Variants in CAD observed in about 807,000 individuals in gnomAD.
CAD encodes multifunctional protein CAD.
CAD carries 81 observed loss-of-function variants against 237.2 expected under a neutral mutation model. The observed-to-expected ratio is 0.34, with a 90% CI of 0.29 to 0.41. The LOEUF is 0.41. Among genes scored for constraint, CAD ranks in the 10% least tolerant of loss-of-function variants. The probability of loss-of-function intolerance (pLI) is 1.00; values close to 1 mark genes in which losing one functional copy is unlikely to be tolerated. For synonymous variants in CAD, 1,196 were observed against 1,162.8 expected (o/e 1.03, Z -0.58); for missense variants, 2,181 against 2,951.7 (o/e 0.74, Z 6.05).
chr2:27,224,847 C>T lies in CAD; in HGVS notation c.1357C>T (p.Leu453Phe). Residue 453 changes from leucine to phenylalanine, a missense_variant, in exon 10 of 44, where the codon CTT becomes TTT. By Grantham distance (22) the Leu-to-Phe change is conservative (BLOSUM62 0). Transcript: ENST00000264705. ...SQGLADKVYF[L>F]PITPHYVTQV... ...GGGGCTGGCCGACAAGGTCTATTTT[C>T]TTCCCATAACACCTCATTATGTAAC... is the stretch of plus-strand genomic sequence containing the variant. The T allele has an allele frequency of 6.2e-7, 1 of 1,614,232 alleles. No homozygotes were observed. Among genetic ancestry groups the T allele is most frequent in the Non-Finnish European group, 8.5e-7 (1 of 1,180,044 alleles).
At chr2:27,231,911 CAGCTACTT>C in intron 16 of CAD, 61 bp from the exon 17 acceptor site, 2 of 1,581,318 alleles carry the variant, frequency 1.3e-6, no homozygotes, top group Non-Finnish European at 1.7e-6. Flanking sequence ...GAGACAAGAG[CAGCTACTT>C]ACGCTCAGGC....
In CAD at chr2:27,225,742, T is replaced by A; in HGVS notation, c.1658T>A (p.Leu553Gln). 1.9e-6 allele frequency: 3 copies of A among 1,614,206 alleles called. No individual in the cohort carries two copies. Among genetic ancestry groups the A allele is most frequent in the Non-Finnish European group, 2.5e-6 (3 of 1,180,020 alleles). The change falls in exon 12 of 44, where the codon CTA (leucine) becomes CAA (glutamine). Residue 553 changes from leucine to glutamine, a missense_variant. Around this residue, in one of 12 missense-constraint regions of CAD, gnomAD observed 174 missense variants for 215.8 expected, o/e 0.81. Coordinates refer to ENST00000264705, the MANE Select transcript of CAD (RefSeq NM_004341.5). ...AAAERLGYPVLVRAAFALGGL... is the reference protein window; with the variant it reads ...AAAERLGYPVQVRAAFALGGL... ...GCTGAACGGCTGGGGTACCCTGTGC[T>A]AGTGCGTGCAGCCTTTGCCCTGGGT...
Position 27,236,391 on chromosome 2 carries a change from C to T in CAD, c.4182C>T (p.Asn1394=). 1 of 1,614,216 alleles carries T rather than the reference C, an allele frequency of 6.2e-7. No individual in the cohort carries two copies. The highest frequency in any genetic ancestry group is 8.5e-7 in the Non-Finnish European group (1 of 1,180,040). ...LAEKNFELVI[N]LSMRGAGGRR... is the part of the protein sequence containing the mutation. ...AGAAAAACTTTGAGCTGGTGATTAACCTGTCAATGCGTGGAGCTGGGGGCC... is the reference window on the plus strand; with the variant it reads ...AGAAAAACTTTGAGCTGGTGATTAATCTGTCAATGCGTGGAGCTGGGGGCC... The change falls in exon 26 of 44, where the codon AAC becomes AAT. Residue 1394 remains asparagine, a synonymous_variant. Transcript: ENST00000264705. This position sits in a 1 kb window ranked among gnomAD's most constrained non-coding sequence, Gnocchi z 4.1.
chr2:27,218,620 G>A (rs1453604703), intron 2 of CAD, among the ~76,000 whole-genome samples: 1 of 152,100 alleles, frequency 6.6e-6, no homozygotes, highest in African/African-American at 2.4e-5. Flanking sequence ...TACTGACATG[G>A]CCTCGTCTGA....
In CAD at chr2:27,239,631, A is replaced by C; in HGVS notation, c.5395-66A>C. The C allele has an allele frequency of 6.7e-7, 1 of 1,490,416 alleles. No individual in the cohort carries two copies. 92.3% of individuals were successfully genotyped at this position (1,490,416 alleles called of 1,614,324 possible). A position where few individuals can be genotyped will look rare whatever the true frequency, so the allele number is the denominator to read the frequency against. On this transcript the variant is annotated intron_variant, in intron 33 of 43. Coordinates refer to ENST00000264705, the MANE Select transcript of CAD (RefSeq NM_004341.5). The surrounding 1 kb of genome is among the most constrained non-coding windows in gnomAD (Gnocchi z 4.0). ...CCCAAGGTGCTTTTTGTCCTTGCTG[A>C]CATCTACCCCTTTAGGACCTGAGTT...
intron 15 of CAD, among the ~76,000 whole-genome samples, chr2:27,230,126 T>C (rs1043786934): frequency 1.3e-5 from 2 of 151,866 alleles, no homozygotes; most frequent in African/African-American, 4.8e-5. Flanking sequence ...TAATCCCAGC[T>C]ACTTGGGAGG....
At chr2:27,227,747 C>T (rs550754960) in intron 15 of CAD, among the ~76,000 whole-genome samples, 2 of 152,258 alleles carry the variant, frequency 1.3e-5, no homozygotes, top group South Asian at 2.1e-4. Flanking sequence ...TACATCTGTT[C>T]AAGTATTCTT....
chr2:27,218,949 G>T (rs544794786), intron 2 of CAD, among the ~76,000 whole-genome samples: 2 of 152,186 alleles, frequency 1.3e-5, no homozygotes, highest in African/African-American at 4.8e-5. Context: ...TCCTGGAAAA[G>T]AATTTCTAGG....
At chr2:27,223,146 G>T (rs940457762) in intron 6 of CAD, 109 bp downstream of exon 6, 45 of 1,208,338 alleles carry the variant, frequency 3.7e-5, no homozygotes, top group Middle Eastern at 5.5e-4. Flanking sequence ...AGGAGCGGGG[G>T]GGTTGCAGGT....
chr2:27,242,582 AGTCTGGGATCCCTGTGGT>A lies in CAD; in HGVS notation c.6223-36_6223-19del. The A allele has an allele frequency of 6.4e-7, 1 of 1,566,316 alleles. No homozygotes were observed. Among genetic ancestry groups the A allele is most frequent in the South Asian group, 1.2e-5 (1 of 83,580 alleles). Reference sequence around the variant, plus strand: ...TTGGAAATGATGTCGGGGGGCACTCAGTCTGGGATCCCTGTGGTGACTGGATTCCTCTCCTAGATCACG... The same window carrying A: ...TTGGAAATGATGTCGGGGGGCACTCAGACTGGATTCCTCTCCTAGATCACG... On this transcript the variant is annotated intron_variant, in intron 40 of 43. Coordinates refer to ENST00000264705, the MANE Select transcript of CAD (RefSeq NM_004341.5). The surrounding 1 kb of genome is among the most constrained non-coding windows in gnomAD (Gnocchi z 6.4).
rs540376846 is a variant in CAD, at chr2:27,238,925, A to G, written c.5063-117A>G. The G allele has an allele frequency of 4.0e-6, 4 of 994,008 alleles. No individual in the cohort carries two copies. In the African/African-American group the frequency reaches 4.9e-5, roughly 12 times the overall value. The allele number at this position is 994,008 out of a possible 1,614,324, so 61.6% of individuals were successfully genotyped here. A position where few individuals can be genotyped will look rare whatever the true frequency, so the allele number is the denominator to read the frequency against. ...TTGTTTCTAGTTCCCAGAAAAAATG[A>G]GCATTGGGAGTGGTAGTGAGCATAA... On this transcript the variant is annotated intron_variant, in intron 31 of 43. Coordinates refer to ENST00000264705, the MANE Select transcript of CAD (RefSeq NM_004341.5).
chr2:27,240,730 A>T lies in CAD; in HGVS notation c.5594-181A>T, dbSNP rs1676276924. 1 of 1,252,520 alleles carries T rather than the reference A, an allele frequency of 8.0e-7. No homozygotes were observed. The highest frequency in any genetic ancestry group is 1.1e-6 in the Non-Finnish European group (1 of 889,208). The allele number at this position is 1,252,520 out of a possible 1,614,324, so 77.6% of individuals were successfully genotyped here. A position where few individuals can be genotyped will look rare whatever the true frequency, so the allele number is the denominator to read the frequency against. ...CACTGCTCCCATACAACACAGCCCC[A>T]TGGGAAGCCACCTGTCTGTCCCCAG... On this transcript the variant is annotated intron_variant, in intron 35 of 43. Coordinates refer to ENST00000264705, the MANE Select transcript of CAD (RefSeq NM_004341.5). The surrounding 1 kb of genome is among the most constrained non-coding windows in gnomAD (Gnocchi z 4.6).
rs369743743 is a variant in CAD at position 27,239,479 on chromosome 2, A to G, written c.5394+8A>G. 27 of 1,612,790 alleles carry G rather than the reference A, an allele frequency of 1.7e-5. No individual in the cohort carries two copies. The African/African-American group carries it at 3.2e-4, about 19-fold the overall frequency. ...GCCTATATCGATGGGCAGGTACGCA[A>G]GTAGCCCCTGCCTGATCTCAGTAGT... On this transcript the variant is annotated splice_region_variant and intron_variant, in intron 33 of 43. Coordinates refer to ENST00000264705, the MANE Select transcript of CAD (RefSeq NM_004341.5). This position sits in a 1 kb window ranked among gnomAD's most constrained non-coding sequence, Gnocchi z 4.0.
chr2:27,236,690 C>T lies in CAD; in HGVS notation c.4315-59C>T, dbSNP rs1424067661. 1.3e-6 allele frequency: 2 copies of T among 1,574,214 alleles called. No individual in the cohort carries two copies. Among genetic ancestry groups the T allele is most frequent in the South Asian group, 2.2e-5 (2 of 90,246 alleles). Reference sequence around the variant, plus strand: ...AGCCTGGTTTATGGGAAAACCACATCTCTCCCTACAACTCCCAGGATCACC... The same window carrying T: ...AGCCTGGTTTATGGGAAAACCACATTTCTCCCTACAACTCCCAGGATCACC... On this transcript the variant is annotated intron_variant, in intron 26 of 43. Coordinates refer to ENST00000264705, the MANE Select transcript of CAD (RefSeq NM_004341.5). The surrounding 1 kb of genome is among the most constrained non-coding windows in gnomAD (Gnocchi z 4.1).
chr2:27,224,042 G>A lies in CAD; in HGVS notation c.1108+13G>A. ...GGGGGCCAGACAGGTAAGATCCTGA[G>A]TAGAACTGGGTTGTGGACCTAAGAA... On this transcript the variant is annotated intron_variant, in intron 8 of 43. Coordinates refer to ENST00000264705, the MANE Select transcript of CAD (RefSeq NM_004341.5). The A allele has an allele frequency of 1.3e-6, 2 of 1,568,044 alleles. No homozygotes were observed. Among genetic ancestry groups the A allele is most frequent in the Non-Finnish European group, 1.8e-6 (2 of 1,137,856 alleles).
Position 27,237,753 on chromosome 2 carries a change from A to C in CAD, c.4599A>C (p.Leu1533=). The C allele has an allele frequency of 6.2e-7, 1 of 1,614,172 alleles. No individual in the cohort carries two copies. ...AEAGARCDFA[L]FLGASSENAG... is the part of the protein sequence containing the mutation. ...CTGGCGCCCGGTGCGACTTTGCGCTATTCCTTGGGGCCTCGTCTGAAAATG... is the reference window on the plus strand; with the variant it reads ...CTGGCGCCCGGTGCGACTTTGCGCTCTTCCTTGGGGCCTCGTCTGAAAATG... Residue 1533 remains leucine, a synonymous_variant, in exon 29 of 44, where the codon CTA becomes CTC. Transcript: ENST00000264705. The surrounding 1 kb of genome is among the most constrained non-coding windows in gnomAD (Gnocchi z 4.0).
chr2:27,241,950 C>T lies in CAD; in HGVS notation c.5923C>T (p.Arg1975Trp), dbSNP rs780427916. The T allele has an allele frequency of 2.3e-5, 37 of 1,613,686 alleles. No homozygotes were observed. Among genetic ancestry groups the T allele is most frequent in the East Asian group, 4.5e-5 (2 of 44,876 alleles). ...CTCCATGTTCTATGAAGTGAGCACA[C>T]GGACCAGCAGCTCCTTTGCAGCAGC... The part of the protein sequence containing the change: ...MASMFYEVST[R>W]TSSSFAAAMA... Residue 1975 changes from arginine to tryptophan, a missense_variant, in exon 39 of 44, where the codon CGG (arginine) becomes TGG (tryptophan). Physicochemically the swap from Arg to Trp is moderately radical, Grantham distance 101. This residue lies in a region of CAD where 203 missense variants were observed against 284.5 expected (regional missense o/e 0.71). Transcript: ENST00000264705. The surrounding 1 kb of genome is among the most constrained non-coding windows in gnomAD (Gnocchi z 4.6).
rs775275610 is a variant in CAD, at chr2:27,231,594, C to G, written c.2400+14C>G. On this transcript the variant is annotated intron_variant, in intron 16 of 43. Transcript: ENST00000264705. ...GTCAGCGATATGGTAAGTAGCTCCC[C>G]TCCCCTGGCAATACCCCTAAAATAG... is the stretch of plus-strand genomic sequence containing the variant. The G allele has an allele frequency of 2.0e-6, 3 of 1,525,710 alleles. No homozygotes were observed. In the South Asian group the frequency reaches 3.4e-5, roughly 17 times the overall value. The allele number at this position is 1,525,710 out of a possible 1,614,324, so 94.5% of individuals were successfully genotyped here.
chr2:27,231,583 A>G lies in CAD; in HGVS notation c.2400+3A>G. 4 of 1,580,016 alleles carry G rather than the reference A, an allele frequency of 2.5e-6. No homozygotes were observed. Among genetic ancestry groups the G allele is most frequent in the Non-Finnish European group, 3.5e-6 (4 of 1,148,948 alleles). ...CAGTGAAACCAGTCAGCGATATGGT[A>G]AGTAGCTCCCCTCCCCTGGCAATAC... On this transcript the variant is annotated splice_donor_region_variant and intron_variant, in intron 16 of 43. Coordinates refer to ENST00000264705, the MANE Select transcript of CAD (RefSeq NM_004341.5).
Sources: allele counts gnomAD v4.1 joint callset (sites outside exome capture counted in the v4.1 genomes callset), GRCh38; gene constraint gnomAD v4.1.1; regional missense constraint gnomAD v4.1.1; non-coding constraint Gnocchi (gnomAD v3.1); transcripts MANE v1.5; gene names NCBI Gene and HGNC (gene_info 2026-07-23, HGNC 2026-07-21).